MYH11: variants seen among roughly 807,000 people sequenced by gnomAD.
MYH11 encodes the protein myosin heavy chain 11.
In MYH11, 80 loss-of-function variants were observed where a neutral mutation model predicts 246.6. The ratio of observed to expected loss-of-function variants is 0.32; its 90% CI spans 0.27 to 0.39. The LOEUF is 0.39. MYH11 is among the 10% of genes least tolerant of loss of function. The pLI is 1.00. For synonymous variants in MYH11, 1,071 were observed against 1,015.5 expected, an observed-to-expected ratio of 1.05 and a Z score of -1.04; for missense variants, 2,158 against 2,546.8, an observed-to-expected ratio of 0.85 and a Z score of 3.29.
intron 8 of MYH11, among the ~76,000 whole-genome samples, chr16:15,774,206 C>T (rs963210906): frequency 1.3e-5 from 2 of 152,142 alleles, no homozygotes; most frequent in African/African-American, 4.8e-5. Context: ...AGGTCTTTGC[C>T]AAGACTTCAT....
chr16:15,823,156 C>G (rs1246542137), intron 3 of MYH11, 99 bp downstream of exon 3: 1 of 1,535,868 alleles, frequency 6.5e-7, no homozygotes. Context: ...TGGTCCCTCG[C>G]AGTGCCTGCC....
intron 14 of MYH11, among the ~76,000 whole-genome samples, chr16:15,755,621 T>C (rs537459121): frequency 6.6e-6 from 1 of 152,092 alleles, no homozygotes; most frequent in East Asian, 1.9e-4. Flanking sequence ...AGACCCCATA[T>C]CTATACATAA....
chr16:15,783,162 G>A (rs555362921), intron 5 of MYH11: 8 of 152,696 alleles, frequency 5.2e-5, no homozygotes, highest in African/African-American at 1.9e-4. Context: ...ACGCGGTCAC[G>A]TGATTAATCA....
At chr16:15,798,637 G>GAAA in intron 4 of MYH11, 23 bp downstream of exon 4, 5 of 1,319,660 alleles carry the variant, frequency 3.8e-6, no homozygotes, top group East Asian at 2.5e-5. Flanking sequence ...AAAAAAAACA[G>GAAA]AAGAAAAAGC....
chr16:15,771,458 G>C, intron 9 of MYH11, 111 bp downstream of exon 9: 1 of 909,394 alleles, frequency 1.1e-6, no homozygotes, highest in Non-Finnish European at 1.6e-6. Flanking sequence ...TTTTTTAATG[G>C]AAGGTGGGGA....
chr16:15,826,594 G>GAAAA (rs57999830), intron 2 of MYH11, among the ~76,000 whole-genome samples: 2 of 148,096 alleles, frequency 1.4e-5, no homozygotes, highest in African/African-American at 2.5e-5. Context: ...TCTCAAAAAA[G>GAAAA]AAAAAGAAAG....
intron 27 of MYH11, 150 bp from the exon 28 acceptor site, chr16:15,727,204 G>A (rs2040810567): frequency 1.3e-5 from 9 of 706,756 alleles, no homozygotes; most frequent in South Asian, 1.7e-5. Flanking sequence ...TTTTTTTGTT[G>A]TTATTTTTTT....
At position 15,732,719 on chromosome 16, in the gene MYH11, G is replaced by A; in HGVS notation, c.3507-11C>T. 1 of 1,614,156 alleles carries A rather than the reference G, an allele frequency of 6.2e-7. No individual in the cohort carries two copies. Among genetic ancestry groups the A allele is most frequent in the African/African-American group, 1.3e-5 (1 of 75,054 alleles). ...TGCTCCCTCTTGGCCCTTGGTGGGA[G>A]GAACACAGTGAATGGCAGTTGGGTG... On this transcript the variant is annotated splice_polypyrimidine_tract_variant and intron_variant, in intron 26 of 40. Coordinates refer to ENST00000300036, the MANE Select transcript of MYH11 (RefSeq NM_002474.3).
chr16:15,733,111 AT>A (rs1274215423), intron 26 of MYH11: 47 of 261,376 alleles, frequency 1.8e-4, no homozygotes, highest in Non-Finnish European at 1.0e-4. Context: ...GTGTGTTATT[AT>A]TTCCATTTTA....
chr16:15,714,746 T>C (rs2040020546), intron 40 of MYH11, 163 bp downstream of exon 40: 2 of 908,440 alleles, frequency 2.2e-6, no homozygotes, highest in Non-Finnish European at 3.5e-6. Context: ...TCTCAGTGCC[T>C]GGCCCACACT....
chr16:15,829,641 G>A (rs1184002541), intron 2 of MYH11, among the ~76,000 whole-genome samples: 6 of 152,190 alleles, frequency 3.9e-5, no homozygotes, highest in Admixed American at 1.3e-4. Context: ...GGCATCTCAT[G>A]GGCCCTGTGC....
At chr16:15,712,137 G>A (rs1223447453) in intron 40 of MYH11, among the ~76,000 whole-genome samples, 1 of 152,242 alleles carries the variant, frequency 6.6e-6, no homozygotes, top group African/African-American at 2.4e-5. Flanking sequence ...GAGCTGGAGA[G>A]AGGAGCCAGT....
intron 4 of MYH11, among the ~76,000 whole-genome samples, chr16:15,789,903 A>T (rs541025944): frequency 2.0e-4 from 31 of 152,290 alleles, no homozygotes; most frequent in African/African-American, 7.0e-4. Context: ...CACACTCTTC[A>T]TGCTGACAAA....
chr16:15,717,400 C>G (rs761304474), intron 37 of MYH11, 52 bp from the exon 38 acceptor site: 8 of 1,579,070 alleles, frequency 5.1e-6, no homozygotes, highest in African/African-American at 1.3e-5. Context: ...CCCAAGAGAG[C>G]GCACTGAGAC....
chr16:15,804,058 A>C (rs2042952407), intron 3 of MYH11, among the ~76,000 whole-genome samples: 1 of 152,144 alleles, frequency 6.6e-6, no homozygotes, highest in South Asian at 2.1e-4. Context: ...GTTGGACTCA[A>C]AAGCAGTGTT....
rs368269107 is a variant in MYH11 at position 15,717,273 on chromosome 16, C to G, written c.5371G>C (p.Glu1791Gln). 1.1e-5 allele frequency: 17 copies of G among 1,613,798 alleles called. No homozygotes were observed. Among genetic ancestry groups the G allele is most frequent in the Middle Eastern group, 1.6e-4 (1 of 6,082 alleles). ...QKNESARQQLERQNKELRSKL... is the reference protein window; with the variant it reads ...QKNESARQQLQRQNKELRSKL... ...CTCCGGAGCTCCTTGTTCTGCCGCT[C>G]GAGCTGCTGCCGGGCACTCTCATTC... The change falls in exon 38 of 41, where the codon GAG becomes CAG. Residue 1791 changes from glutamate to glutamine, a missense_variant. Transcript: ENST00000300036.
intron 8 of MYH11, among the ~76,000 whole-genome samples, chr16:15,773,268 C>G (rs528148146): frequency 6.7e-5 from 10 of 149,942 alleles, no homozygotes; most frequent in African/African-American, 2.5e-4. Context: ...CTTTCTTATA[C>G]TACCTTTCCT....
chr16:15,781,277 G>T (rs1434260041), intron 6 of MYH11, among the ~76,000 whole-genome samples: 1 of 152,158 alleles, frequency 6.6e-6, no homozygotes, highest in African/African-American at 2.4e-5. Flanking sequence ...GCATTATGCT[G>T]ATGTGTATTC....
chr16:15,778,572 G>A (rs2042276027), intron 7 of MYH11, among the ~76,000 whole-genome samples: 2 of 152,132 alleles, frequency 1.3e-5, no homozygotes, highest in South Asian at 4.1e-4. Context: ...ATGCAGCCTA[G>A]GCTGCTTGTT....
Sources: gnomAD v4.1 joint callset for allele counts (sites outside exome capture counted in the v4.1 genomes callset) on GRCh38, gnomAD v4.1.1 for gene constraint, MANE v1.5 for transcripts, NCBI Gene and HGNC (gene_info 2026-07-23, HGNC 2026-07-21) for gene names.